ODAD2: variants seen among roughly 807,000 people sequenced by gnomAD.
ODAD2 encodes outer dynein arm-docking complex subunit 2.
In ODAD2, 89 loss-of-function variants were observed where a neutral mutation model predicts 106.8. That is an observed-to-expected ratio of 0.83 (90% CI 0.70 to 0.99). ODAD2 has a LOEUF of 0.99. Among genes scored for constraint, ODAD2 ranks in the 50% least tolerant of loss-of-function variants. ODAD2 has a pLI of 0.00. For synonymous variants in ODAD2, 404 were observed against 436.2 expected (o/e 0.93, Z 0.92); for missense variants, 1,168 against 1,238.5 (o/e 0.94, Z 0.85).
chr10:27,818,693 C>A (rs1006301718), intron 19 of ODAD2, among the ~76,000 whole-genome samples: 19 of 152,190 alleles, frequency 1.2e-4, no homozygotes, highest in African/African-American at 4.6e-4. Context: ...ACAGCAACTC[C>A]ACCTAATATC....
chr10:27,858,179 T>C lies in ODAD2; in HGVS notation c.3021+2446A>G, dbSNP rs185540168. On this transcript the variant is annotated intron_variant, in intron 19 of 19. Coordinates refer to ENST00000305242, the MANE Select transcript of ODAD2 (RefSeq NM_018076.5). The stretch of plus-strand genomic sequence containing the variant: ...CCATATCCAAGCAAATATCAAATTA[T>C]GATTCTACCAACACCCAGTATGCCA... Among the ~76,000 whole-genome samples the C allele has an allele frequency of 2.2e-3, 335 of 152,272 alleles. 1 individual carries two copies. The highest frequency in any genetic ancestry group is 3.9e-3 in the Non-Finnish European group (262 of 68,006).
intron 17 of ODAD2, among the ~76,000 whole-genome samples, chr10:27,875,840 C>T (rs11818080): frequency 0.042 from 6,440 of 152,228 alleles, 437 homozygotes; most frequent in African/African-American, 0.15. Context: ...TCGGGTCACT[C>T]CCACCCTAAT....
intron 11 of ODAD2, 68 bp downstream of exon 11, chr10:27,944,748 T>C (rs927761017): frequency 5.4e-5 from 86 of 1,591,850 alleles, no homozygotes; most frequent in Non-Finnish European, 7.1e-5. Context: ...GGCAGAAACC[T>C]AGAGCTAAGA....
At chr10:27,955,144 T>C (rs1292442347) in intron 10 of ODAD2, among the ~76,000 whole-genome samples, 2 of 152,180 alleles carry the variant, frequency 1.3e-5, no homozygotes, top group African/African-American at 4.8e-5. Context: ...ACTACTGGAG[T>C]TGATTCGAGT....
intron 7 of ODAD2, among the ~76,000 whole-genome samples, chr10:27,972,428 A>G (rs1383155701): frequency 2.6e-5 from 4 of 152,202 alleles, no homozygotes; most frequent in Non-Finnish European, 4.4e-5. Flanking sequence ...AAATTTAACT[A>G]TATTAGTAGT....
chr10:27,903,050 A>G (rs61842705), intron 17 of ODAD2, among the ~76,000 whole-genome samples: 2,078 of 152,324 alleles, frequency 0.014, 20 homozygotes, highest in Non-Finnish European at 0.02. Flanking sequence ...AAAATCCTCA[A>G]TAAAATACTG....
intron 19 of ODAD2, among the ~76,000 whole-genome samples, chr10:27,814,133 T>C (rs1835945594): frequency 6.6e-6 from 1 of 151,946 alleles, no homozygotes; most frequent in Non-Finnish European, 1.5e-5. Context: ...AAAAATGGAA[T>C]TTATTGGGCA....
At chr10:27,815,981 T>C (rs887508081) in intron 19 of ODAD2, among the ~76,000 whole-genome samples, 1 of 152,224 alleles carries the variant, frequency 6.6e-6, no homozygotes, top group African/African-American at 2.4e-5. Flanking sequence ...TTCCAAGTAT[T>C]TTCCTGTATC....
chr10:27,963,752 T>G (rs1848307959), intron 9 of ODAD2, among the ~76,000 whole-genome samples: 1 of 151,982 alleles, frequency 6.6e-6, no homozygotes, highest in Non-Finnish European at 1.5e-5. Flanking sequence ...CAATAGAGGT[T>G]ATCATATAAT....
chr10:27,919,174 G>A (rs1038035876), intron 16 of ODAD2, among the ~76,000 whole-genome samples: 5 of 151,912 alleles, frequency 3.3e-5, no homozygotes, highest in Admixed American at 3.3e-4. Flanking sequence ...TTTCAACTGA[G>A]ATACCAAGTT....
intron 19 of ODAD2, among the ~76,000 whole-genome samples, chr10:27,814,529 C>A (rs1474764517): frequency 2.0e-5 from 3 of 152,194 alleles, no homozygotes; most frequent in Admixed American, 2.0e-4. Context: ...TTCAGAGTTA[C>A]ATCTGGGCCC....
intron 16 of ODAD2, among the ~76,000 whole-genome samples, chr10:27,929,267 T>C (rs1322324342): frequency 1.3e-5 from 2 of 152,166 alleles, no homozygotes; most frequent in African/African-American, 4.8e-5. Context: ...GGCAGATAGA[T>C]AAAACAGATG....
At chr10:27,874,632 A>G (rs1384735477) in intron 17 of ODAD2, among the ~76,000 whole-genome samples, 1 of 152,182 alleles carries the variant, frequency 6.6e-6, no homozygotes, top group African/African-American at 2.4e-5. Context: ...TTGGCTGGCT[A>G]TGAAATTCTG....
At chr10:27,946,422 T>A (rs1049564131) in intron 10 of ODAD2, among the ~76,000 whole-genome samples, 1 of 152,000 alleles carries the variant, frequency 6.6e-6, no homozygotes, top group South Asian at 2.1e-4. Context: ...TGTACATATT[T>A]TGGGGGTACA....
Position 27,907,662 on chromosome 10 carries a change from C to T in ODAD2, c.2610+1G>A. On this transcript the variant is annotated splice_donor_variant, in intron 17 of 19. Transcript: ENST00000305242. LOFTEE classifies it high-confidence loss of function. ...GAGACTGACTTGCAGTCCGTTCTTA[C>T]CTTTGCATTTTTGATGCATGGACAG... The T allele has an allele frequency of 1.2e-6, 2 of 1,610,090 alleles. No homozygotes were observed. Among genetic ancestry groups the T allele is most frequent in the Non-Finnish European group, 1.7e-6 (2 of 1,176,566 alleles).
intron 2 of ODAD2, among the ~76,000 whole-genome samples, chr10:27,994,138 A>T (rs961254568): frequency 6.6e-6 from 1 of 151,978 alleles, no homozygotes. Context: ...CCATGTTTGA[A>T]TGAGATAGAT....
intron 19 of ODAD2, among the ~76,000 whole-genome samples, chr10:27,818,066 A>G (rs1836276593): frequency 6.6e-6 from 1 of 150,964 alleles, no homozygotes; most frequent in Admixed American, 6.6e-5. Context: ...AAGCCTGGAG[A>G]TTTCACTCTT....
At chr10:27,828,539 G>C (rs543195300) in intron 19 of ODAD2, among the ~76,000 whole-genome samples, 12 of 152,214 alleles carry the variant, frequency 7.9e-5, no homozygotes, top group African/African-American at 2.9e-4. Flanking sequence ...GGTATTTTCT[G>C]GCTTTTACTT....
intron 17 of ODAD2, among the ~76,000 whole-genome samples, chr10:27,870,225 C>G (rs945938166): frequency 6.6e-6 from 1 of 152,070 alleles, no homozygotes; most frequent in Non-Finnish European, 1.5e-5. Context: ...CAACCTCAAT[C>G]TTTTCTCTCC....
Sources: gnomAD v4.1 joint callset for allele counts (sites outside exome capture counted in the v4.1 genomes callset) on GRCh38, gnomAD v4.1.1 for gene constraint, MANE v1.5 for transcripts, NCBI Gene and HGNC (gene_info 2026-07-23, HGNC 2026-07-21) for gene names.